The following FBXO11 variants were observed in gnomAD, a reference collection of about 807,000 sequenced individuals.
The protein encoded by FBXO11 is F-box only protein 11.
In FBXO11, 13 loss-of-function variants were observed where a neutral mutation model predicts 117.0. The ratio of observed to expected loss-of-function variants is 0.11; its 90% CI spans 0.07 to 0.18. The LOEUF is 0.18. FBXO11 is among the 10% of genes least tolerant of loss of function. The pLI is 1.00. For synonymous variants in FBXO11, 490 were observed against 380.5 expected (o/e 1.29, Z -3.35); for missense variants, 767 against 1,164.4 (o/e 0.66, Z 4.97).
chr2:47,901,710 G>A (rs1342564867), intron 1 of FBXO11, among the ~76,000 whole-genome samples: 8 of 152,048 alleles, frequency 5.3e-5, no homozygotes, highest in East Asian at 1.9e-4. Flanking sequence ...ATCTACTGAT[G>A]AGAACACACA....
At chr2:47,823,629 T>C (rs2104741535) in intron 11 of FBXO11, among the ~76,000 whole-genome samples, 1 of 152,094 alleles carries the variant, frequency 6.6e-6, no homozygotes, top group African/African-American at 2.4e-5. Context: ...GGCTCACACC[T>C]GTAATCCCAG....
chr2:47,871,577 T>A (rs536488064), intron 1 of FBXO11, among the ~76,000 whole-genome samples: 2 of 152,320 alleles, frequency 1.3e-5, no homozygotes, highest in Non-Finnish European at 2.9e-5. Context: ...GACGACTAAT[T>A]ATTTGAACAT....
Position 47,808,050 on chromosome 2 carries a change from T to A in FBXO11, c.*68A>T, listed in dbSNP as rs1670347501. On this transcript the variant is annotated 3_prime_UTR_variant, in exon 23 of 23. Coordinates refer to ENST00000403359, the MANE Select transcript of FBXO11 (RefSeq NM_001190274.2). ...CTGTAGCATGGGCAAATATTTTAAA[T>A]CTTCTTCCAAAAAAGTGTTTTAAGT... 5 of 1,391,014 alleles carry A rather than the reference T, an allele frequency of 3.6e-6. No homozygotes were observed. Among genetic ancestry groups the A allele is most frequent in the African/African-American group, 1.4e-5 (1 of 69,690 alleles). The allele number at this position is 1,391,014 out of a possible 1,614,324, so 86.2% of individuals were successfully genotyped here. A position where few individuals can be genotyped will look rare whatever the true frequency, so the allele number is the denominator to read the frequency against.
intron 1 of FBXO11, among the ~76,000 whole-genome samples, chr2:47,850,803 C>G (rs1293896303): frequency 6.6e-6 from 1 of 152,078 alleles, no homozygotes; most frequent in Non-Finnish European, 1.5e-5. Flanking sequence ...TTCTGTTCTC[C>G]CAAGACATTT....
chr2:47,834,144 GT>G (rs1468316818), intron 7 of FBXO11, among the ~76,000 whole-genome samples: 1 of 152,198 alleles, frequency 6.6e-6, no homozygotes, highest in African/African-American at 2.4e-5. Context: ...GAGGCCAGGA[GT>G]TTGAGACCAG....
rs1206866861 is a variant in FBXO11 at position 47,905,783 on chromosome 2, C to A, written c.-63G>T. 34 of 1,176,120 alleles carry A rather than the reference C, an allele frequency of 2.9e-5. No homozygotes were observed. Among genetic ancestry groups the A allele is most frequent in the Non-Finnish European group, 3.4e-5 (31 of 918,472 alleles). 72.9% of individuals were successfully genotyped at this position (1,176,120 alleles called of 1,614,324 possible). On this transcript the variant is annotated 5_prime_UTR_variant, in exon 1 of 23. Transcript: ENST00000403359. ...ACACACGCACACGCACAGCGAGCTT[C>A]GGGGCAGGAGAAAGGGGTGGGGAGA...
intron 18 of FBXO11, 130 bp from the exon 19 acceptor site, chr2:47,810,556 G>C (rs1670541588): frequency 1.8e-6 from 1 of 554,462 alleles, no homozygotes; most frequent in Admixed American, 3.7e-5. Context: ...TATTTTTTCA[G>C]CCAAAACAAG....
intron 1 of FBXO11, among the ~76,000 whole-genome samples, chr2:47,900,808 ACACACACG>A (rs1379545502): frequency 2.1e-4 from 19 of 90,544 alleles, no homozygotes; most frequent in South Asian, 7.3e-4. Flanking sequence ...ATACACGTAT[ACACACACG>A]TGTATATATA....
chr2:47,848,174 A>G (rs1204918248), intron 1 of FBXO11, among the ~76,000 whole-genome samples: 2 of 152,014 alleles, frequency 1.3e-5, no homozygotes, highest in African/African-American at 2.4e-5. Flanking sequence ...ACACACATAT[A>G]TATCTTTCAC....
At chr2:47,846,734 G>C (rs1011303666) in intron 1 of FBXO11, among the ~76,000 whole-genome samples, 1 of 150,602 alleles carries the variant, frequency 6.6e-6, no homozygotes, top group African/African-American at 2.5e-5. Flanking sequence ...TATTAAATCT[G>C]AAATATATCA....
At chr2:47,861,278 A>G (rs1572862572) in intron 1 of FBXO11, among the ~76,000 whole-genome samples, 1 of 150,834 alleles carries the variant, frequency 6.6e-6, no homozygotes, top group East Asian at 2.0e-4. Context: ...ATTGTAATTG[A>G]CTTCATAATA....
intron 19 of FBXO11, chr2:47,809,931 T>C: frequency 1.9e-6 from 1 of 526,672 alleles, no homozygotes; most frequent in East Asian, 3.1e-5. Flanking sequence ...CCTAACTGTC[T>C]TAAAGTTTAA....
intron 4 of FBXO11, among the ~76,000 whole-genome samples, chr2:47,836,805 CAG>C (rs1287034269): frequency 1.3e-5 from 2 of 152,056 alleles, no homozygotes; most frequent in Non-Finnish European, 2.9e-5. Context: ...CTTTTTGAGA[CAG>C]AGTCTCACTC....
chr2:47,878,929 A>C (rs1676224560), intron 1 of FBXO11, among the ~76,000 whole-genome samples: 1 of 152,080 alleles, frequency 6.6e-6, no homozygotes, highest in Non-Finnish European at 1.5e-5. Flanking sequence ...TAGTGAGCTG[A>C]GATCACGCCA....
At chr2:47,815,906 T>C (rs1447703958) in intron 16 of FBXO11, among the ~76,000 whole-genome samples, 1 of 152,178 alleles carries the variant, frequency 6.6e-6, no homozygotes, top group Non-Finnish European at 1.5e-5. Context: ...CTGGCGCACT[T>C]AGTCAAGCCT....
intron 1 of FBXO11, among the ~76,000 whole-genome samples, chr2:47,851,968 A>G (rs548065739): frequency 6.6e-6 from 1 of 151,136 alleles, no homozygotes; most frequent in African/African-American, 2.4e-5. Context: ...TGCTAATAGT[A>G]GTCTCTGTAT....
At chr2:47,872,917 T>A (rs531185378) in intron 1 of FBXO11, among the ~76,000 whole-genome samples, 1 of 152,324 alleles carries the variant, frequency 6.6e-6, no homozygotes, top group South Asian at 2.1e-4. Context: ...ACATTTAACA[T>A]TTTTATTTCT....
At chr2:47,904,438 A>T (rs1678573046) in intron 1 of FBXO11, among the ~76,000 whole-genome samples, 1 of 152,202 alleles carries the variant, frequency 6.6e-6, no homozygotes, top group Non-Finnish European at 1.5e-5. Flanking sequence ...AGAACTGAAC[A>T]TTATTTTTGC....
intron 1 of FBXO11, among the ~76,000 whole-genome samples, chr2:47,876,884 G>A (rs1467756842): frequency 6.6e-6 from 1 of 151,490 alleles, no homozygotes; most frequent in Non-Finnish European, 1.5e-5. Context: ...TTTGAATATT[G>A]AACTTAGGTT....
Sources: allele counts gnomAD v4.1 joint callset (sites outside exome capture counted in the v4.1 genomes callset), GRCh38; gene constraint gnomAD v4.1.1; transcripts MANE v1.5; gene names NCBI Gene and HGNC (gene_info 2026-07-23, HGNC 2026-07-21).